Variants in ATP8A1 observed in about 807,000 individuals in gnomAD.
ATP8A1 encodes the protein phospholipid-transporting ATPase IA.
Under a neutral mutation model 177.7 loss-of-function variants are expected in ATP8A1, and 90 were observed. That is an observed-to-expected ratio of 0.51 (90% CI 0.43 to 0.60). ATP8A1 has a LOEUF of 0.60. ATP8A1 is among the 20% of genes least tolerant of loss of function. The pLI is 0.00. For missense variants in ATP8A1, 1,072 were observed against 1,392.8 expected (o/e 0.77, Z 3.67); for synonymous variants, 493 against 485.9 (o/e 1.01, Z -0.19).
At chr4:42,436,192 T>C (rs1715975368) in intron 33 of ATP8A1, among the ~76,000 whole-genome samples, 1 of 152,194 alleles carries the variant, frequency 6.6e-6, no homozygotes, top group African/African-American at 2.4e-5. Context: ...GGGTACACCA[T>C]GGCCTCTCTC....
Position 42,455,424 on chromosome 4 carries a change from A to G in ATP8A1, c.2695-5T>C. 2 of 1,613,874 alleles carry G rather than the reference A, an allele frequency of 1.2e-6. No homozygotes were observed. Among genetic ancestry groups the G allele is most frequent in the Non-Finnish European group, 1.7e-6 (2 of 1,179,784 alleles). On this transcript the variant is annotated splice_region_variant and splice_polypyrimidine_tract_variant and intron_variant, in intron 28 of 36. Coordinates refer to ENST00000381668, the MANE Select transcript of ATP8A1 (RefSeq NM_006095.2). ...AGGAGGCATTGCTGTAAACATCTAA[A>G]GCGCACAAACTGGTCATTATGTCAA...
intron 23 of ATP8A1, 46 bp from the exon 24 acceptor site, chr4:42,503,560 T>C (rs753038687): frequency 8.0e-7 from 1 of 1,254,280 alleles, no homozygotes; most frequent in Non-Finnish European, 1.1e-6. Context: ...CTCCAGAGAA[T>C]ATGTAAAGAT....
chr4:42,543,269 C>T (rs1242670895), intron 20 of ATP8A1, among the ~76,000 whole-genome samples: 1 of 151,840 alleles, frequency 6.6e-6, no homozygotes, highest in African/African-American at 2.4e-5. Context: ...TAGGAATGTT[C>T]CAAGTTGGGA....
At chr4:42,488,368 G>A (rs964816563) in intron 24 of ATP8A1, among the ~76,000 whole-genome samples, 4 of 151,808 alleles carry the variant, frequency 2.6e-5, no homozygotes, top group African/African-American at 4.8e-5. Flanking sequence ...AAATTTCTGC[G>A]GTAGCCTGTC....
chr4:42,458,284 T>A (rs13105468), intron 27 of ATP8A1, among the ~76,000 whole-genome samples: 4 of 152,006 alleles, frequency 2.6e-5, no homozygotes, highest in Non-Finnish European at 5.9e-5. Context: ...CCGGTCCCTC[T>A]GGGGAGGTGT....
At chr4:42,576,319 CA>C (rs1208329189) in intron 12 of ATP8A1, among the ~76,000 whole-genome samples, 1 of 151,088 alleles carries the variant, frequency 6.6e-6, no homozygotes, top group South Asian at 2.1e-4. Flanking sequence ...AAAAAAAATA[CA>C]AAAAAATCAG....
At position 42,544,914 on chromosome 4, in the gene ATP8A1, C is replaced by A. The variant is rs552580184; in HGVS notation, c.1653-928G>T. Among the ~76,000 whole-genome samples the A allele has an allele frequency of 3.3e-4, 51 of 152,262 alleles. 1 individual carries two copies. The highest frequency in any genetic ancestry group is 1.2e-3 in the African/African-American group (49 of 41,548). ...CGGTGGCTCATGCCTGTAATTCTAG[C>A]ACTTTGGGAGGCCGAGGCGGGCGGA... On this transcript the variant is annotated intron_variant, in intron 19 of 36. Coordinates refer to ENST00000381668, the MANE Select transcript of ATP8A1 (RefSeq NM_006095.2).
chr4:42,471,032 T>C (rs955345172), intron 25 of ATP8A1, among the ~76,000 whole-genome samples: 6 of 152,134 alleles, frequency 3.9e-5, no homozygotes, highest in African/African-American at 1.2e-4. Flanking sequence ...GGTTCATTTA[T>C]AAAATTTCAC....
At chr4:42,432,902 G>T (rs1048957989) in intron 33 of ATP8A1, among the ~76,000 whole-genome samples, 2 of 151,974 alleles carry the variant, frequency 1.3e-5, no homozygotes, top group African/African-American at 2.4e-5. Context: ...CAATTATATG[G>T]TATATATATT....
intron 15 of ATP8A1, among the ~76,000 whole-genome samples, chr4:42,558,542 T>C (rs998311457): frequency 6.6e-6 from 1 of 152,188 alleles, no homozygotes; most frequent in Non-Finnish European, 1.5e-5. Flanking sequence ...AGAATCTCTA[T>C]AGCAATAAAA....
At position 42,624,042 on chromosome 4, in the gene ATP8A1, T is replaced by C. The variant is rs186943956; in HGVS notation, c.363+494A>G. On this transcript the variant is annotated intron_variant, in intron 4 of 36. Coordinates refer to ENST00000381668, the MANE Select transcript of ATP8A1 (RefSeq NM_006095.2). ...AGAAAGAGACTTCCCCTTTCTCTTATTACCACAGAATAAAAATAGCTAATT... is the reference window on the plus strand; with the variant it reads ...AGAAAGAGACTTCCCCTTTCTCTTACTACCACAGAATAAAAATAGCTAATT... Among the ~76,000 whole-genome samples, 13 of 152,184 alleles carry C rather than the reference T, an allele frequency of 8.5e-5. No homozygotes were observed. In the East Asian group the frequency reaches 2.5e-3, roughly 29 times the overall value.
intron 36 of ATP8A1, 63 bp from the exon 37 acceptor site, chr4:42,413,076 T>A (rs1712809196): frequency 7.3e-7 from 1 of 1,364,634 alleles, no homozygotes; most frequent in Admixed American, 1.8e-5. Context: ...TTATTCTGAC[T>A]TTTGGGTATT....
At chr4:42,454,838 G>A (rs1054209095) in intron 29 of ATP8A1, among the ~76,000 whole-genome samples, 1 of 152,060 alleles carries the variant, frequency 6.6e-6, no homozygotes, top group African/African-American at 2.4e-5. Context: ...AAATTCTAAT[G>A]AGGACAAAGT....
At chr4:42,495,287 G>A (rs1723148939) in intron 24 of ATP8A1, among the ~76,000 whole-genome samples, 1 of 152,154 alleles carries the variant, frequency 6.6e-6, no homozygotes, top group Non-Finnish European at 1.5e-5. Flanking sequence ...ATGTTAGCAC[G>A]TTCTTAAAGA....
At chr4:42,622,782 G>A (rs1215897540) in intron 4 of ATP8A1, among the ~76,000 whole-genome samples, 3 of 152,192 alleles carry the variant, frequency 2.0e-5, no homozygotes, top group Non-Finnish European at 4.4e-5. Context: ...GGACGTGGCA[G>A]GTGGATTGCC....
chr4:42,656,536 G>A (rs1741641932), intron 1 of ATP8A1, among the ~76,000 whole-genome samples: 1 of 152,114 alleles, frequency 6.6e-6, no homozygotes, highest in Non-Finnish European at 1.5e-5. Flanking sequence ...GAGGGAGGTG[G>A]GCAGGGCGAG....
chr4:42,482,132 G>C (rs976422154), intron 25 of ATP8A1, among the ~76,000 whole-genome samples: 4 of 151,818 alleles, frequency 2.6e-5, no homozygotes, highest in African/African-American at 9.7e-5. Flanking sequence ...CAAAAGCCAG[G>C]CTCTACTAAA....
At chr4:42,640,212 C>A (rs759450615) in intron 1 of ATP8A1, among the ~76,000 whole-genome samples, 1 of 152,156 alleles carries the variant, frequency 6.6e-6, no homozygotes, top group Non-Finnish European at 1.5e-5. Context: ...TCCACTGCTT[C>A]TAAAGGATTT....
chr4:42,589,279 C>T (rs958297689), intron 7 of ATP8A1, among the ~76,000 whole-genome samples: 1 of 152,144 alleles, frequency 6.6e-6, no homozygotes, highest in Admixed American at 6.6e-5. Context: ...ATATAATAGG[C>T]TTAATTTACT....
Sources: gnomAD v4.1 joint callset for allele counts (sites outside exome capture counted in the v4.1 genomes callset) on GRCh38, gnomAD v4.1.1 for gene constraint, MANE v1.5 for transcripts, NCBI Gene and HGNC (gene_info 2026-07-23, HGNC 2026-07-21) for gene names.